BBIP1: variants seen among roughly 807,000 people sequenced by gnomAD.
The protein encoded by BBIP1 is BBSome-interacting protein 1.
In BBIP1, 6 loss-of-function variants were observed where a neutral mutation model predicts 8.9. The ratio of observed to expected loss-of-function variants is 0.67; its 90% CI spans 0.37 to 1.33. The LOEUF (loss-of-function observed/expected upper bound fraction) is 1.33, where lower values mean the gene tolerates loss of function less well. Among genes scored for constraint, BBIP1 ranks in the 40% most tolerant of loss-of-function variants. The pLI, the probability that BBIP1 is intolerant of heterozygous loss-of-function variation, is 0.02. For missense variants in BBIP1, 111 were observed against 109.2 expected (o/e 1.02, Z -0.07); for synonymous variants, 32 against 33.4 (o/e 0.96, Z 0.14).
intron 2 of BBIP1, chr10:110,904,832 T>G (rs1846091304): frequency 6.6e-6 from 1 of 152,276 alleles, no homozygotes; most frequent in East Asian, 1.9e-4. Context: ...TATGCCAAAT[T>G]AAAAAATGAT....
At chr10:110,917,636 AT>A (rs1203287177) in intron 2 of BBIP1, among the ~76,000 whole-genome samples, 1 of 152,232 alleles carries the variant, frequency 6.6e-6, no homozygotes, top group Non-Finnish European at 1.5e-5. Context: ...TGAATTTCTG[AT>A]AAATTGAAGG....
chr10:110,916,409 C>G (rs1846403824), intron 2 of BBIP1, among the ~76,000 whole-genome samples: 1 of 152,150 alleles, frequency 6.6e-6, no homozygotes, highest in Non-Finnish European at 1.5e-5. Flanking sequence ...ATTCCACAAA[C>G]ACTTCTCTAT....
chr10:110,916,665 G>A (rs1846409868), intron 2 of BBIP1, among the ~76,000 whole-genome samples: 1 of 152,172 alleles, frequency 6.6e-6, no homozygotes, highest in African/African-American at 2.4e-5. Context: ...GAATTGCAGG[G>A]CCCACACATC....
chr10:110,901,175 T>C, intron 3 of BBIP1: 1 of 440,774 alleles, frequency 2.3e-6, no homozygotes, highest in Admixed American at 2.6e-5. Context: ...CCTGTAGTAC[T>C]AGCAAATCAG....
In BBIP1 at chr10:110,907,955, T is replaced by TTA. The variant is rs1846186310; in HGVS notation, c.38-6345_38-6344dup. ...GTTGAGTATATATTGTTTCCTAAAG[T>TTA]TATGTGATTCTGGAATTCTTTAAAA... On this transcript the variant is annotated intron_variant, in intron 2 of 3. Transcript: ENST00000448814. 2.9e-5 allele frequency: 16 copies of TTA among 549,240 alleles called. No individual in the cohort carries two copies. The South Asian group carries it at 3.7e-4, about 13-fold the overall frequency. 34.0% of individuals were successfully genotyped at this position (549,240 alleles called of 1,614,324 possible).
chr10:110,918,824 G>A (rs1450464128), intron 1 of BBIP1: 1 of 152,424 alleles, frequency 6.6e-6, no homozygotes, highest in African/African-American at 2.4e-5. Flanking sequence ...CCGGCCCACT[G>A]GTTGGGGTCC....
At position 110,900,190 on chromosome 10, in the gene BBIP1, T is replaced by C. The variant is rs1845954635; in HGVS notation, c.*170A>G. The C allele has an allele frequency of 1.5e-6, 1 of 659,288 alleles. No homozygotes were observed. Among genetic ancestry groups the C allele is most frequent in the African/African-American group, 1.9e-5 (1 of 53,742 alleles). 40.8% of individuals were successfully genotyped at this position (659,288 alleles called of 1,614,324 possible). On this transcript the variant is annotated 3_prime_UTR_variant, in exon 4 of 4. Transcript: ENST00000448814. ...TGTTTATGTTCAATACAAACCAGAG[T>C]GTTTACATTCACAATACAAATTTCA...
At chr10:110,913,613 G>T (rs1337151650) in intron 2 of BBIP1, among the ~76,000 whole-genome samples, 1 of 152,174 alleles carries the variant, frequency 6.6e-6, no homozygotes, top group Non-Finnish European at 1.5e-5. Context: ...GGCAGCAAAG[G>T]TTAAAACCTT....
intron 2 of BBIP1, among the ~76,000 whole-genome samples, chr10:110,909,159 C>G (rs190364853): frequency 3.8e-4 from 58 of 152,148 alleles, no homozygotes; most frequent in African/African-American, 1.4e-3. Flanking sequence ...CAACTTCAAA[C>G]TGTAAAGACT....
At chr10:110,901,848 T>A in intron 2 of BBIP1, 2 of 455,944 alleles carry the variant, frequency 4.4e-6, no homozygotes, top group East Asian at 3.8e-5. Flanking sequence ...GTGTTGTAAT[T>A]TTTTTTCTCT....
rs372165140 is a variant in BBIP1 at position 110,910,907 on chromosome 10, A to G, written c.37+7214T>C. On this transcript the variant is annotated intron_variant, in intron 2 of 3. Transcript: ENST00000448814. ...CTACGGAGGTGGATATAATCACTCA[A>G]GAAAGATATGGCAAAATGGTAAGTG... is the stretch of plus-strand genomic sequence containing the variant. The G allele has an allele frequency of 6.6e-5, 10 of 152,392 alleles. No homozygotes were observed. The East Asian group carries it at 1.7e-3, about 26-fold the overall frequency. 9.4% of individuals were successfully genotyped at this position (152,392 alleles called of 1,614,324 possible).
intron 3 of BBIP1, chr10:110,901,198 G>A (rs930530089): frequency 2.3e-6 from 1 of 430,130 alleles, no homozygotes. Context: ...GGCTAGGGCA[G>A]GAGCCCAGTA....
intron 2 of BBIP1, among the ~76,000 whole-genome samples, chr10:110,912,764 A>G (rs934349694): frequency 1.5e-4 from 23 of 152,082 alleles, no homozygotes; most frequent in African/African-American, 5.3e-4. Flanking sequence ...GGGAGCCCCA[A>G]GGAGCCGTTC....
chr10:110,910,972 G>C (rs1361110941), intron 2 of BBIP1: 1 of 152,134 alleles, frequency 6.6e-6, no homozygotes, highest in Non-Finnish European at 1.5e-5. Flanking sequence ...CTAGTGTGGT[G>C]GTTGAAAGAA....
chr10:110,906,005 C>CT (rs71035311), intron 2 of BBIP1, among the ~76,000 whole-genome samples: 2 of 106,068 alleles, frequency 1.9e-5, no homozygotes, highest in South Asian at 2.8e-4. Flanking sequence ...ATTTTCATGC[C>CT]TTTTTTTTTT....
rs143404824 is a variant in BBIP1, at chr10:110,915,746, C to T, written c.37+2375G>A. On this transcript the variant is annotated intron_variant, in intron 2 of 3. Transcript: ENST00000448814. ...TGAGACAGGGTCTCGCTCTGTTGCC[C>T]AGTCTGGAGTGCAGTGCTGCAATCT... Among the ~76,000 whole-genome samples, 750 of 152,154 alleles carry T rather than the reference C, an allele frequency of 4.9e-3. 5 individuals carry two copies. The highest frequency in any genetic ancestry group is 0.017 in the African/African-American group (723 of 41,498).
intron 3 of BBIP1, chr10:110,900,901 C>A: frequency 4.5e-6 from 1 of 222,832 alleles, no homozygotes; most frequent in Non-Finnish European, 9.0e-6. Flanking sequence ...AAGGTTTAAA[C>A]CTTCGGCTTT....
upstream of BBIP1, chr10:110,919,251 C>G (rs1846544019): frequency 4.1e-6 from 1 of 242,068 alleles, no homozygotes; most frequent in African/African-American, 2.2e-5. Flanking sequence ...TTATGGCCGC[C>G]TTAGCTTCAA....
chr10:110,910,402 C>T (rs949439447), intron 2 of BBIP1, among the ~76,000 whole-genome samples: 3 of 152,090 alleles, frequency 2.0e-5, no homozygotes, highest in African/African-American at 4.8e-5. Flanking sequence ...GACTTCATAT[C>T]CTATAGTCAG....
Sources: allele counts gnomAD v4.1 joint callset (sites outside exome capture counted in the v4.1 genomes callset), GRCh38; gene constraint gnomAD v4.1.1; transcripts MANE v1.5; gene names NCBI Gene and HGNC (gene_info 2026-07-23, HGNC 2026-07-21).